Variants in USH2A observed in about 807,000 individuals in gnomAD.
The protein encoded by USH2A is Usher syndrome 2A (autosomal recessive, mild).
A neutral mutation model predicts 538.9 loss-of-function variants in USH2A; 443 were observed. That is an observed-to-expected ratio of 0.82 (90% CI 0.76 to 0.89). The LOEUF is 0.89. USH2A is among the 40% of genes least tolerant of loss of function. The pLI, the probability that USH2A is intolerant of heterozygous loss-of-function variation, is 0.00. For synonymous variants in USH2A, 2,413 were observed against 2,273.5 expected, an observed-to-expected ratio of 1.06 and a Z score of -1.75; for missense variants, 6,633 against 6,324.8, an observed-to-expected ratio of 1.05 and a Z score of -1.65.
chr1:215,630,514 A>ATATATATATG (rs1558029537), intron 70 of USH2A, among the ~76,000 whole-genome samples: 3 of 99,084 alleles, frequency 3.0e-5, no homozygotes, highest in African/African-American at 9.2e-5. Context: ...ATATATATAT[A>ATATATATATG]TATATATATA....
At chr1:215,819,123 C>A (rs1228742719) in intron 47 of USH2A, among the ~76,000 whole-genome samples, 1 of 151,754 alleles carries the variant, frequency 6.6e-6, no homozygotes, top group Non-Finnish European at 1.5e-5. Flanking sequence ...TTAGCATTCC[C>A]ATATATACTT....
intron 11 of USH2A, among the ~76,000 whole-genome samples, chr1:216,277,838 T>C (rs2036699889): frequency 6.6e-6 from 1 of 152,132 alleles, no homozygotes; most frequent in Admixed American, 6.6e-5. Flanking sequence ...TTTCCTTCCC[T>C]AGTTAAAGGC....
At chr1:215,975,773 G>A (rs1372282565) in intron 35 of USH2A, among the ~76,000 whole-genome samples, 1 of 152,056 alleles carries the variant, frequency 6.6e-6, no homozygotes, top group Non-Finnish European at 1.5e-5. Flanking sequence ...TGTTCTTTTT[G>A]TGTAGAATTG....
chr1:215,853,855 C>A (rs1219605389), intron 44 of USH2A, among the ~76,000 whole-genome samples: 1 of 152,158 alleles, frequency 6.6e-6, no homozygotes. Flanking sequence ...TCATTGTCCA[C>A]ATCATTATTA....
rs2102653371 is a variant in USH2A at position 216,323,674 on chromosome 1, G to T, written c.1350C>A (p.Gly450=). Residue 450 remains glycine (G), a synonymous_variant, in exon 8 of 72, where the codon GGC becomes GGA. Transcript: ENST00000307340. ...QLSNFTPYSR[G]NVTFSILTPG... ...GTGTCAGGATGCTAAATGTGACATT[G>T]CCACGGGAATATGGAGTAAAACTGT... is the stretch of plus-strand genomic sequence containing the variant. The T allele has an allele frequency of 6.2e-7, 1 of 1,613,436 alleles. No homozygotes were observed. Among genetic ancestry groups the T allele is most frequent in the Non-Finnish European group, 8.5e-7 (1 of 1,179,626 alleles).
chr1:216,254,059 C>T (rs770630722), intron 11 of USH2A, among the ~76,000 whole-genome samples: 25 of 151,962 alleles, frequency 1.6e-4, no homozygotes, highest in Non-Finnish European at 3.1e-4. Flanking sequence ...TAAGTCTTAT[C>T]GAGATATTTT....
At chr1:215,650,487 A>C in intron 65 of USH2A, 105 bp downstream of exon 65, 3 of 1,351,172 alleles carry the variant, frequency 2.2e-6, no homozygotes, top group Non-Finnish European at 3.1e-6. Flanking sequence ...CTGAGAACAG[A>C]AGGATAAGAA....
chr1:216,002,015 T>C (rs1183651442), intron 32 of USH2A, among the ~76,000 whole-genome samples: 1 of 152,148 alleles, frequency 6.6e-6, no homozygotes, highest in Non-Finnish European at 1.5e-5. Context: ...GAATATATAC[T>C]TCAAGGACAC....
At chr1:215,963,946 G>T (rs1667265466) in intron 37 of USH2A, among the ~76,000 whole-genome samples, 3 of 152,094 alleles carry the variant, frequency 2.0e-5, no homozygotes, top group African/African-American at 2.4e-5. Flanking sequence ...GGAAAATTCT[G>T]CCGAGAACAG....
At chr1:215,838,921 G>A (rs1410354175) in intron 46 of USH2A, among the ~76,000 whole-genome samples, 3 of 152,106 alleles carry the variant, frequency 2.0e-5, no homozygotes, top group African/African-American at 7.2e-5. Flanking sequence ...AAATAGAGAA[G>A]GCAAGCTAGG....
At position 216,023,113 on chromosome 1, in the gene USH2A, A is replaced by C. The variant is rs190030768; in HGVS notation, c.6326-22551T>G. Among the ~76,000 whole-genome samples the C allele has an allele frequency of 6.1e-4, 93 of 152,244 alleles. 1 individual carries two copies. Among genetic ancestry groups the C allele is most frequent in the Admixed American group, 1.3e-3 (20 of 15,282 alleles). On this transcript the variant is annotated intron_variant, in intron 32 of 71. Coordinates refer to ENST00000307340, the MANE Select transcript of USH2A (RefSeq NM_206933.4). ...GCAGTGAAATACAAATATTAGAACT[A>C]ATGAGACTTATTTGTACATTCAGAT...
rs996212134 is a variant in USH2A, at chr1:216,000,697, C to A, written c.6326-135G>T. ...AATATGAATAAATAGCCATAAAAAT[C>A]AATAGCAATAACATATAGGATGCTT... On this transcript the variant is annotated intron_variant, in intron 32 of 71. Transcript: ENST00000307340. The A allele has an allele frequency of 3.0e-5, 32 of 1,080,414 alleles. No homozygotes were observed. In the South Asian group the frequency reaches 4.4e-4, roughly 15 times the overall value. 66.9% of individuals were successfully genotyped at this position (1,080,414 alleles called of 1,614,324 possible). A position where few individuals can be genotyped will look rare whatever the true frequency, so the allele number is the denominator to read the frequency against.
intron 11 of USH2A, among the ~76,000 whole-genome samples, chr1:216,270,696 T>C (rs1478122001): frequency 1.5e-5 from 2 of 134,180 alleles, no homozygotes; most frequent in Non-Finnish European, 3.2e-5. Flanking sequence ...ATCAATTAAT[T>C]TTCATTCATT....
intron 46 of USH2A, among the ~76,000 whole-genome samples, chr1:215,838,313 T>A (rs1663586554): frequency 6.6e-6 from 1 of 152,152 alleles, no homozygotes; most frequent in South Asian, 2.1e-4. Flanking sequence ...GATAATTGAT[T>A]TAGTAATGGG....
chr1:215,647,084 TA>T (rs1312396166), intron 67 of USH2A, among the ~76,000 whole-genome samples: 1 of 152,216 alleles, frequency 6.6e-6, no homozygotes, highest in Non-Finnish European at 1.5e-5. Flanking sequence ...AGCCCCCAAT[TA>T]ATTAGTTGAT....
At position 215,640,616 on chromosome 1, in the gene USH2A, C is replaced by A; in HGVS notation, c.14910G>T (p.Gly4970=). The A allele has an allele frequency of 6.2e-7, 1 of 1,613,772 alleles. No homozygotes were observed. Among genetic ancestry groups the A allele is most frequent in the Non-Finnish European group, 8.5e-7 (1 of 1,179,946 alleles). ...QLKEYVLTDG[G]RRVYSGLDTT... is the part of the protein sequence containing the mutation. ...TGTCCAAGCCGCTGTACACGCGTCG[C>A]CCTCCGTCGGTTAACACGTACTCCT... is the stretch of plus-strand genomic sequence containing the variant. The change falls in exon 68 of 72, where the codon GGG becomes GGT. Residue 4970 remains glycine, a synonymous_variant. Transcript: ENST00000307340.
chr1:216,182,993 G>A (rs975033475), intron 20 of USH2A, among the ~76,000 whole-genome samples: 2 of 152,052 alleles, frequency 1.3e-5, no homozygotes, highest in Non-Finnish European at 2.9e-5. Flanking sequence ...TGCCCCTGTA[G>A]GACTGAGCAT....
At chr1:215,884,250 T>A (rs541144857) in intron 41 of USH2A, among the ~76,000 whole-genome samples, 1 of 152,326 alleles carries the variant, frequency 6.6e-6, no homozygotes, top group South Asian at 2.1e-4. Flanking sequence ...AATAAAAAAT[T>A]ATTTTATCCA....
chr1:215,730,734 A>C (rs1352527483), intron 60 of USH2A, among the ~76,000 whole-genome samples: 2 of 152,224 alleles, frequency 1.3e-5, no homozygotes, highest in African/African-American at 2.4e-5. Flanking sequence ...GACAAGCTTC[A>C]TGCTGGAAGC....
Sources: allele counts gnomAD v4.1 joint callset (sites outside exome capture counted in the v4.1 genomes callset), GRCh38; gene constraint gnomAD v4.1.1; transcripts MANE v1.5; gene names NCBI Gene and HGNC (gene_info 2026-07-23, HGNC 2026-07-21).